Variants in TCF4 observed in about 807,000 individuals in gnomAD.
TCF4 encodes SL3-3 enhancer factor 2.
TCF4 carries 3 observed loss-of-function variants against 82.1 expected under a neutral mutation model. The observed-to-expected ratio is 0.04, with a 90% confidence interval of 0.02 to 0.09. The LOEUF is 0.09. TCF4 is among the 10% of genes least tolerant of loss of function. The pLI is 1.00. For missense variants in TCF4, 518 were observed against 852.7 expected, an observed-to-expected ratio of 0.61 and a Z score of 4.89; for synonymous variants, 276 against 309.6, an observed-to-expected ratio of 0.89 and a Z score of 1.14.
chr18:55,625,676 A>C (rs2097725875), intron 2 of TCF4, among the ~76,000 whole-genome samples: 1 of 152,158 alleles, frequency 6.6e-6, no homozygotes, highest in African/African-American at 2.4e-5. Flanking sequence ...ATTTTCTGAT[A>C]TATTTTTGTA....
intron 8 of TCF4, among the ~76,000 whole-genome samples, chr18:55,349,193 G>A (rs1165482084): frequency 1.3e-5 from 2 of 152,006 alleles, no homozygotes; most frequent in Non-Finnish European, 2.9e-5. Flanking sequence ...ATTTTGTGAT[G>A]CTTCTTCAAC....
rs191615744 is a variant in TCF4, at chr18:55,585,932, G to T, written c.73-580C>A. 5.3e-3 allele frequency: 6,626 copies of T among 1,257,310 alleles called. 201 individuals carry two copies. The highest frequency in any genetic ancestry group is 0.011 in the Middle Eastern group (35 of 3,074). 77.9% of individuals were successfully genotyped at this position (1,257,310 alleles called of 1,614,324 possible). A position where few individuals can be genotyped will look rare whatever the true frequency, so the allele number is the denominator to read the frequency against. ...TCCAGCATTTATTTCGACCCTAATT[G>T]GTTTCCCTCTTCTTCGACGTATCTA... On this transcript the variant is annotated intron_variant, in intron 2 of 19. Coordinates refer to ENST00000354452, the MANE Select transcript of TCF4 (RefSeq NM_001083962.2).
At chr18:55,563,257 A>C (rs1450188078) in intron 3 of TCF4, among the ~76,000 whole-genome samples, 1 of 151,790 alleles carries the variant, frequency 6.6e-6, no homozygotes, top group African/African-American at 2.4e-5. Flanking sequence ...AAAAAAAAAA[A>C]AAGTCTGCGT....
intron 3 of TCF4, among the ~76,000 whole-genome samples, chr18:55,486,434 A>C (rs1346483819): frequency 2.0e-5 from 3 of 152,084 alleles, no homozygotes; most frequent in Non-Finnish European, 4.4e-5. Context: ...TCTACTAAAA[A>C]TACAAAAATT....
At position 55,247,710 on chromosome 18, in the gene TCF4, T is replaced by C. The variant is rs570466936; in HGVS notation, c.1350+6787A>G. On this transcript the variant is annotated intron_variant, in intron 15 of 19. Transcript: ENST00000354452. ...ATGCACTGGGAAGCAATGGAGTTCA[T>C]GACAGGGAGTCCAAACTTTTTTTCA... 2.9e-4 allele frequency among the ~76,000 whole-genome samples: 44 copies of C among 152,312 alleles called. 1 individual carries two copies. Among genetic ancestry groups the C allele is most frequent in the South Asian group, 6.2e-4 (3 of 4,830 alleles).
intron 15 of TCF4, among the ~76,000 whole-genome samples, chr18:55,240,246 AAGAC>A (rs2050792244): frequency 6.6e-6 from 1 of 152,218 alleles, no homozygotes; most frequent in Admixed American, 6.5e-5. Context: ...AAATGGGACA[AAGAC>A]AGAAGTCCTG....
upstream of TCF4, among the ~76,000 whole-genome samples, chr18:55,590,663 T>C: frequency 6.6e-6 from 1 of 152,228 alleles, no homozygotes; most frequent in Non-Finnish European, 1.5e-5. Flanking sequence ...ACCTAGCCAA[T>C]GGAATTTTAA....
At chr18:55,509,879 C>T (rs1393808973) in intron 3 of TCF4, among the ~76,000 whole-genome samples, 1 of 152,132 alleles carries the variant, frequency 6.6e-6, no homozygotes, top group Non-Finnish European at 1.5e-5. Flanking sequence ...GATAATCAAG[C>T]CCTACCTTCA....
At chr18:55,429,188 A>G (rs530116289) in intron 5 of TCF4, among the ~76,000 whole-genome samples, 18 of 152,288 alleles carry the variant, frequency 1.2e-4, no homozygotes, top group Admixed American at 3.9e-4. Flanking sequence ...TCTAAAGTGA[A>G]AAAAACCTCA....
intron 6 of TCF4, among the ~76,000 whole-genome samples, chr18:55,386,548 C>A (rs1314928429): frequency 2.0e-5 from 3 of 152,116 alleles, no homozygotes; most frequent in African/African-American, 4.8e-5. Context: ...AGTTTATTGA[C>A]TACAACCTTT....
chr18:55,542,525 C>G (rs1193797399), intron 3 of TCF4, among the ~76,000 whole-genome samples: 1 of 151,938 alleles, frequency 6.6e-6, no homozygotes, highest in African/African-American at 2.4e-5. Flanking sequence ...GGATGAAAAA[C>G]TTTGCAAAAT....
At chr18:55,311,546 C>T (rs2072454651) in intron 8 of TCF4, among the ~76,000 whole-genome samples, 1 of 152,198 alleles carries the variant, frequency 6.6e-6, no homozygotes. Flanking sequence ...CTTTGATTTT[C>T]TTAAATCTTC....
At chr18:55,611,857 C>T (rs1161622889) in intron 2 of TCF4, among the ~76,000 whole-genome samples, 1 of 152,136 alleles carries the variant, frequency 6.6e-6, no homozygotes, top group Non-Finnish European at 1.5e-5. Context: ...CAACCTCTGC[C>T]TCTCGAATTC....
chr18:55,623,945 G>A (rs2097724075), intron 2 of TCF4, among the ~76,000 whole-genome samples: 1 of 152,052 alleles, frequency 6.6e-6, no homozygotes, highest in African/African-American at 2.4e-5. Flanking sequence ...TATTAGAAGA[G>A]GAAAATTCTT....
intron 15 of TCF4, among the ~76,000 whole-genome samples, chr18:55,237,841 G>C (rs990631740): frequency 1.2e-4 from 18 of 152,162 alleles, no homozygotes; most frequent in Non-Finnish European, 4.4e-5. Flanking sequence ...TTCTAACCCT[G>C]TTTTCTTCTC....
intron 5 of TCF4, among the ~76,000 whole-genome samples, chr18:55,460,752 G>A (rs985777391): frequency 6.6e-6 from 1 of 152,104 alleles, no homozygotes; most frequent in African/African-American, 2.4e-5. Flanking sequence ...ACTGTGGTCC[G>A]TGCTTTAGGT....
intron 8 of TCF4, chr18:55,302,512 G>A: frequency 6.5e-7 from 1 of 1,536,056 alleles, no homozygotes; most frequent in South Asian, 1.2e-5. Context: ...TGATTGGTCA[G>A]ACATGGCTGA....
rs527277630 is a variant in TCF4 at position 55,235,911 on chromosome 18, A to G, written c.1351-1228T>C. On this transcript the variant is annotated intron_variant, in intron 15 of 19. Transcript: ENST00000354452. ...GGTATTTCCAAAGAATGCATCAACA[A>G]TAAGTATCTGAACCAACAACAAATT... Among the ~76,000 whole-genome samples, 10 of 152,330 alleles carry G rather than the reference A, an allele frequency of 6.6e-5. No homozygotes were observed. The East Asian group carries it at 1.5e-3, about 23-fold the overall frequency.
intron 3 of TCF4, among the ~76,000 whole-genome samples, chr18:55,493,352 T>C (rs1056812150): frequency 3.3e-5 from 5 of 152,174 alleles, no homozygotes; most frequent in Non-Finnish European, 7.4e-5. Flanking sequence ...AATTTGGGAA[T>C]CATTACAAAT....
Sources: gnomAD v4.1 joint callset for allele counts (sites outside exome capture counted in the v4.1 genomes callset) on GRCh38, gnomAD v4.1.1 for gene constraint, MANE v1.5 for transcripts, NCBI Gene and HGNC (gene_info 2026-07-23, HGNC 2026-07-21) for gene names.